STMN2: variants seen among roughly 807,000 people sequenced by gnomAD.
STMN2 encodes the protein stathmin 2.
Under a neutral mutation model 24.1 loss-of-function variants are expected in STMN2, and 2 were observed. The observed-to-expected ratio is 0.08, with a 90% CI of 0.03 to 0.26. The LOEUF is 0.26. Ranked by LOEUF, STMN2 falls within the 10% of genes least tolerant of loss-of-function variation. STMN2 has a pLI of 1.00. For missense variants in STMN2, 114 were observed against 213.6 expected, an observed-to-expected ratio of 0.53 and a Z score of 2.91; for synonymous variants, 83 against 77.5, an observed-to-expected ratio of 1.07 and a Z score of -0.37.
chr8:79,645,879 T>C (rs1810206463), intron 3 of STMN2, among the ~76,000 whole-genome samples: 1 of 152,174 alleles, frequency 6.6e-6, no homozygotes, highest in Admixed American at 6.5e-5. Context: ...ACTGGCATAT[T>C]AGTATATATA....
chr8:79,618,527 G>T (rs1278485291), intron 1 of STMN2, among the ~76,000 whole-genome samples: 1 of 152,130 alleles, frequency 6.6e-6, no homozygotes, highest in Non-Finnish European at 1.5e-5. Flanking sequence ...ATAACTATTA[G>T]ATGTTATTTC....
At chr8:79,657,740 C>T (rs1806408557) in intron 4 of STMN2, among the ~76,000 whole-genome samples, 2 of 152,154 alleles carry the variant, frequency 1.3e-5, no homozygotes, top group Non-Finnish European at 2.9e-5. Flanking sequence ...ACCATATTTA[C>T]TTTGATTTGA....
intron 4 of STMN2, among the ~76,000 whole-genome samples, chr8:79,659,395 T>G (rs7838627): frequency 0.23 from 34,310 of 152,014 alleles, 4,107 homozygotes; most frequent in African/African-American, 0.3. Context: ...GAGAGGAAGA[T>G]GAGAGAAAGG....
intron 2 of STMN2, among the ~76,000 whole-genome samples, chr8:79,638,387 CTT>C (rs541450233): frequency 6.2e-4 from 95 of 152,302 alleles, no homozygotes; most frequent in African/African-American, 2.2e-3. Flanking sequence ...CCTGCGTTCT[CTT>C]ATAATCCTTT....
chr8:79,648,361 C>T (rs991278593), intron 3 of STMN2, among the ~76,000 whole-genome samples: 1 of 151,884 alleles, frequency 6.6e-6, no homozygotes, highest in Non-Finnish European at 1.5e-5. Context: ...AGTTTCTGAC[C>T]TCACAGAGAT....
chr8:79,645,836 G>A (rs1450693192), intron 3 of STMN2, among the ~76,000 whole-genome samples: 4 of 151,874 alleles, frequency 2.6e-5, no homozygotes, highest in Non-Finnish European at 5.9e-5. Flanking sequence ...TTCCTTTGTG[G>A]CACCTAGCAC....
At chr8:79,614,326 G>GT (rs1476403990) in intron 1 of STMN2, among the ~76,000 whole-genome samples, 3 of 152,198 alleles carry the variant, frequency 2.0e-5, no homozygotes, top group African/African-American at 7.2e-5. Flanking sequence ...CAGCATGATT[G>GT]TAAGAGGTGC....
At chr8:79,613,671 G>A in intron 1 of STMN2, 1 of 985,398 alleles carries the variant, frequency 1.0e-6, no homozygotes, top group African/African-American at 1.7e-5. Flanking sequence ...GTTCAAAAGG[G>A]ACGTGGATTG....
At chr8:79,660,008 A>C (rs1358649998) in intron 4 of STMN2, among the ~76,000 whole-genome samples, 1 of 152,202 alleles carries the variant, frequency 6.6e-6, no homozygotes, top group Non-Finnish European at 1.5e-5. Context: ...TGTAGTACTT[A>C]ATTAAATTAG....
rs1025645291 is a variant in STMN2, at chr8:79,641,404, C to T, written c.142C>T (p.Arg48Cys). 3.7e-6 allele frequency: 6 copies of T among 1,613,708 alleles called. No homozygotes were observed. Among genetic ancestry groups the T allele is most frequent in the Middle Eastern group, 1.6e-4 (1 of 6,076 alleles). The change falls in exon 3 of 5, where the codon CGT becomes TGT. Residue 48 changes from arginine (R) to cysteine (C), a missense_variant. Arg to Cys is a radical substitution (Grantham distance 180). Transcript: ENST00000220876. ...TATGGAAGTGAAGCAAATCAACAAA[C>T]GTGCCTCTGGCCAGGCTTTTGAGCT... ...DDMEVKQINKRASGQAFELIL... is the reference protein window; with the variant it reads ...DDMEVKQINKCASGQAFELIL...
chr8:79,663,264 T>C (rs1028768142), intron 4 of STMN2, among the ~76,000 whole-genome samples: 7 of 152,138 alleles, frequency 4.6e-5, no homozygotes, highest in African/African-American at 1.7e-4. Flanking sequence ...TGAAATTGTA[T>C]AGCAGTGATT....
intron 3 of STMN2, 72 bp from the exon 4 acceptor site, chr8:79,654,799 C>T (rs1330966980): frequency 6.6e-7 from 1 of 1,506,586 alleles, no homozygotes; most frequent in Non-Finnish European, 9.0e-7. Flanking sequence ...ATGCTCCCTC[C>T]AATTGGTGGG....
chr8:79,647,191 T>A (rs1810236250), intron 3 of STMN2, among the ~76,000 whole-genome samples: 1 of 152,212 alleles, frequency 6.6e-6, no homozygotes, highest in South Asian at 2.1e-4. Context: ...TTTAAATAAC[T>A]ATTAATAAAT....
chr8:79,640,052 T>G (rs1810058545), intron 2 of STMN2, among the ~76,000 whole-genome samples: 1 of 152,080 alleles, frequency 6.6e-6, no homozygotes, highest in African/African-American at 2.4e-5. Context: ...ATAGAAAAAT[T>G]AGCTGAGTGT....
chr8:79,641,649 C>A, intron 3 of STMN2, 99 bp downstream of exon 3: 1 of 770,378 alleles, frequency 1.3e-6, no homozygotes, highest in Non-Finnish European at 2.0e-6. Flanking sequence ...CACACACACA[C>A]ACACACACAC....
At chr8:79,651,955 G>A in intron 3 of STMN2, among the ~76,000 whole-genome samples, 1 of 152,210 alleles carries the variant, frequency 6.6e-6, no homozygotes, top group Admixed American at 6.5e-5. Flanking sequence ...ATCTAGGGCA[G>A]TGTTGGAAAC....
chr8:79,632,188 C>A (rs754025012), intron 1 of STMN2, among the ~76,000 whole-genome samples: 12 of 152,050 alleles, frequency 7.9e-5, no homozygotes, highest in Non-Finnish European at 1.8e-4. Context: ...GGGTTTTTTT[C>A]TTAAGGAAAG....
In STMN2 at chr8:79,647,375, AACTT is replaced by A. The variant is rs1485685134; in HGVS notation, c.288+5828_288+5831del. ...TGTTAGGGCTTTTTAAATTTAAAAAAACTTACGAGTTCTCCTCCCTCCCCCTACC... is the reference window on the plus strand; with the variant it reads ...TGTTAGGGCTTTTTAAATTTAAAAAAACGAGTTCTCCTCCCTCCCCCTACC... On this transcript the variant is annotated intron_variant, in intron 3 of 4. Transcript: ENST00000220876. Among the ~76,000 whole-genome samples the A allele has an allele frequency of 2.0e-5, 3 of 152,188 alleles. No individual in the cohort carries two copies. In the East Asian group the frequency reaches 5.8e-4, roughly 29 times the overall value.
intron 1 of STMN2, among the ~76,000 whole-genome samples, chr8:79,617,781 T>C (rs1809418484): frequency 6.6e-6 from 1 of 152,268 alleles, no homozygotes; most frequent in Non-Finnish European, 1.5e-5. Context: ...CAACTGTTTT[T>C]CTGGTGTATT....
Sources: allele counts gnomAD v4.1 joint callset (sites outside exome capture counted in the v4.1 genomes callset), GRCh38; gene constraint gnomAD v4.1.1; transcripts MANE v1.5; gene names NCBI Gene and HGNC (gene_info 2026-07-23, HGNC 2026-07-21).